The following GLCE variants were observed in gnomAD, a reference collection of about 807,000 sequenced individuals.
GLCE encodes the protein glucuronic acid epimerase.
A neutral mutation model predicts 47.9 loss-of-function variants in GLCE; 19 were observed. The observed-to-expected ratio is 0.40, with a 90% CI of 0.28 to 0.58. GLCE has a LOEUF of 0.58. Among genes scored for constraint, GLCE ranks in the 20% least tolerant of loss-of-function variants. GLCE has a pLI of 0.48. For synonymous variants in GLCE, 245 were observed against 263.4 expected (o/e 0.93, Z 0.68); for missense variants, 556 against 743.3 (o/e 0.75, Z 2.93).
rs541386941 is a variant in GLCE, at chr15:69,220,562, G to T, written c.-14+10156G>T. Among the ~76,000 whole-genome samples, 5 of 152,092 alleles carry T rather than the reference G, an allele frequency of 3.3e-5. No homozygotes were observed. In the South Asian group the frequency reaches 1.0e-3, roughly 32 times the overall value. On this transcript the variant is annotated intron_variant, in intron 2 of 4. Transcript: ENST00000261858. ...TGAGCATCTTTTCATGTGTTTCTTG[G>T]CCAATTATGTGTATATTCTTTGGTG...
chr15:69,266,815 T>C, intron 4 of GLCE: 1 of 441,354 alleles, frequency 2.3e-6, no homozygotes, highest in Non-Finnish European at 3.0e-6. Flanking sequence ...TAGTCCCTGC[T>C]CTACAACTAA....
chr15:69,209,804 G>A (rs2052204958), intron 1 of GLCE, among the ~76,000 whole-genome samples: 1 of 152,100 alleles, frequency 6.6e-6, no homozygotes, highest in Admixed American at 6.6e-5. Flanking sequence ...AGTGGCAGGA[G>A]GACAGAGAGA....
At position 69,268,494 on chromosome 15, in the gene GLCE, AGCT is replaced by A; in HGVS notation, c.1106_1108del (p.Ala369del). 6.2e-7 allele frequency: 1 copy of A among 1,614,188 alleles called. No homozygotes were observed. Among genetic ancestry groups the A allele is most frequent in the Non-Finnish European group, 8.5e-7 (1 of 1,180,040 alleles). Reference sequence around the variant, plus strand: ...AAGGAGTGGGTCTTTCAAACACAAAAGCTGTCAAGCCAACCAAAATAATGCCCA... The same window carrying A: ...AAGGAGTGGGTCTTTCAAACACAAAAGTCAAGCCAACCAAAATAATGCCCA... On this transcript the variant is annotated inframe_deletion, in exon 5 of 5. Coordinates refer to ENST00000261858, the MANE Select transcript of GLCE (RefSeq NM_015554.3).
At chr15:69,215,100 T>C (rs931984239) in intron 2 of GLCE, among the ~76,000 whole-genome samples, 1 of 152,170 alleles carries the variant, frequency 6.6e-6, no homozygotes, top group Admixed American at 6.6e-5. Flanking sequence ...TTGTATACAG[T>C]AAAATTCATT....
rs991987127 is a variant in GLCE, at chr15:69,193,185, C to T, written c.-104-17131C>T. 4.0e-5 allele frequency among the ~76,000 whole-genome samples: 6 copies of T among 151,808 alleles called. No individual in the cohort carries two copies. The East Asian group carries it at 5.8e-4, about 15-fold the overall frequency. On this transcript the variant is annotated intron_variant, in intron 1 of 4. Transcript: ENST00000261858. ...GTTCTTATGAGGTTACCTTTCCCTGCGCCATTGTTTGTAAATTACCTCCAG... is the reference window on the plus strand; with the variant it reads ...GTTCTTATGAGGTTACCTTTCCCTGTGCCATTGTTTGTAAATTACCTCCAG...
chr15:69,189,332 C>T (rs190884699), intron 1 of GLCE, among the ~76,000 whole-genome samples: 5 of 152,078 alleles, frequency 3.3e-5, no homozygotes, highest in Admixed American at 2.0e-4. Flanking sequence ...GTAATATATA[C>T]GTTTAAGGTT....
rs150291628 is a variant in GLCE at position 69,256,459 on chromosome 15, T to C, written c.586+67T>C. ...TGTGTTGAGGAATAAGAAAATGTTGTTAATTATACATCAAGTACATAGCTT... is the reference window on the plus strand; with the variant it reads ...TGTGTTGAGGAATAAGAAAATGTTGCTAATTATACATCAAGTACATAGCTT... On this transcript the variant is annotated intron_variant, in intron 3 of 4. Coordinates refer to ENST00000261858, the MANE Select transcript of GLCE (RefSeq NM_015554.3). 2.7e-4 allele frequency: 279 copies of C among 1,037,626 alleles called. 1 individual carries two copies. The East Asian group carries it at 6.1e-3, about 23-fold the overall frequency. The allele number at this position is 1,037,626 out of a possible 1,614,324, so 64.3% of individuals were successfully genotyped here.
chr15:69,199,389 A>C (rs2052044385), intron 1 of GLCE, among the ~76,000 whole-genome samples: 1 of 152,166 alleles, frequency 6.6e-6, no homozygotes, highest in East Asian at 1.9e-4. Flanking sequence ...AGGATATATA[A>C]AAATCTGTGC....
At position 69,268,228 on chromosome 15, in the gene GLCE, G is replaced by A. The variant is rs1430660402; in HGVS notation, c.838G>A (p.Glu280Lys). Residue 280 changes from glutamate (E) to lysine (K), a missense_variant, in exon 5 of 5, where the codon GAA becomes AAA. Around this residue, in one of 3 missense-constraint regions of GLCE, gnomAD observed 74 missense variants for 64.4 expected, o/e 1.15. Transcript: ENST00000261858. ...VKQFIAPETS[E>K]GVSLQLGNTK... The stretch of plus-strand genomic sequence containing the variant: ...TATATTCTCCCCTACAGAAACCAGT[G>A]AAGGTGTATCCTTGCAACTGGGAAA... 2.7e-5 allele frequency: 43 copies of A among 1,594,288 alleles called. No homozygotes were observed. Among genetic ancestry groups the A allele is most frequent in the Non-Finnish European group, 3.7e-5 (43 of 1,169,718 alleles).
chr15:69,253,588 G>A (rs2052879525), intron 2 of GLCE, among the ~76,000 whole-genome samples: 1 of 152,004 alleles, frequency 6.6e-6, no homozygotes, highest in Non-Finnish European at 1.5e-5. Context: ...TAATAAGAAA[G>A]AACTTTATTT....
rs140111250 is a variant in GLCE, at chr15:69,182,886, G to A, written c.-105+22129G>A. ...AAAAATTAGTCGGGTGTGGTGGTGC[G>A]TGCCTGTAGTCCCAGCTACTCAGGA... On this transcript the variant is annotated intron_variant, in intron 1 of 4. Coordinates refer to ENST00000261858, the MANE Select transcript of GLCE (RefSeq NM_015554.3). Among the ~76,000 whole-genome samples, 274 of 152,026 alleles carry A rather than the reference G, an allele frequency of 1.8e-3. 1 individual carries two copies. Among genetic ancestry groups the A allele is most frequent in the African/African-American group, 5.7e-3 (238 of 41,486 alleles).
At chr15:69,234,258 A>G (rs1210725061) in intron 2 of GLCE, among the ~76,000 whole-genome samples, 5 of 152,104 alleles carry the variant, frequency 3.3e-5, no homozygotes, top group African/African-American at 1.2e-4. Context: ...GATTACAGGC[A>G]TTGAGCCATT....
chr15:69,198,965 C>T (rs1278933587), intron 1 of GLCE, among the ~76,000 whole-genome samples: 1 of 152,100 alleles, frequency 6.6e-6, no homozygotes, highest in Non-Finnish European at 1.5e-5. Context: ...TATTAGAAGT[C>T]CGCCACCCGG....
chr15:69,218,014 C>T (rs1187764703), intron 2 of GLCE, among the ~76,000 whole-genome samples: 8 of 151,588 alleles, frequency 5.3e-5, no homozygotes, highest in East Asian at 2.0e-4. Flanking sequence ...ATTAGCCGGG[C>T]GTGGTGGTGC....
intron 1 of GLCE, among the ~76,000 whole-genome samples, chr15:69,199,996 A>G (rs2052053706): frequency 6.6e-6 from 1 of 152,160 alleles, no homozygotes; most frequent in Non-Finnish European, 1.5e-5. Context: ...GAGTAGTAAG[A>G]CAATTTTTTA....
At chr15:69,262,873 C>G (rs569484203) in intron 4 of GLCE, among the ~76,000 whole-genome samples, 2 of 152,206 alleles carry the variant, frequency 1.3e-5, no homozygotes, top group African/African-American at 4.8e-5. Context: ...GGTTGAGTAT[C>G]CCTTATCTGA....
chr15:69,253,057 C>G (rs1442337251), intron 2 of GLCE, among the ~76,000 whole-genome samples: 1 of 152,158 alleles, frequency 6.6e-6, no homozygotes, highest in Non-Finnish European at 1.5e-5. Context: ...AATAGGAGGA[C>G]TACCCAAGGA....
In GLCE at chr15:69,160,637, A is replaced by C. The variant is rs1190472131; in HGVS notation, c.-225A>C. ...CGCGGAGCGGGAGGGCTCTCCTCAC[A>C]CAAGCGCTTCCTTGCCGAGAGGCTG... On this transcript the variant is annotated 5_prime_UTR_variant, in exon 1 of 5. Transcript: ENST00000261858. This position sits in a 1 kb window ranked among gnomAD's most constrained non-coding sequence, Gnocchi z 4.2. 1 of 152,756 alleles carries C rather than the reference A, an allele frequency of 6.5e-6. No homozygotes were observed. Among genetic ancestry groups the C allele is most frequent in the Non-Finnish European group, 1.5e-5 (1 of 68,170 alleles). 9.5% of individuals were successfully genotyped at this position (152,756 alleles called of 1,614,324 possible).
chr15:69,256,138 T>C lies in GLCE; in HGVS notation c.332T>C (p.Ile111Thr). Residue 111 changes from isoleucine to threonine, a missense_variant, in exon 3 of 5, where the codon ATA (isoleucine) becomes ACA (threonine). Ile to Thr is a moderately conservative substitution (Grantham distance 89). This residue lies in a region of GLCE where 237 missense variants were observed against 310.9 expected (regional missense o/e 0.76). Coordinates refer to ENST00000261858, the MANE Select transcript of GLCE (RefSeq NM_015554.3). ...GLKYEEIDCL[I>T]NDEHTIKGRR... Reference sequence around the variant, plus strand: ...AAATATGAAGAAATTGACTGTCTCATAAATGATGAACACACAATTAAAGGG... The same window carrying C: ...AAATATGAAGAAATTGACTGTCTCACAAATGATGAACACACAATTAAAGGG... 6.2e-7 allele frequency: 1 copy of C among 1,614,028 alleles called. No individual in the cohort carries two copies. The highest frequency in any genetic ancestry group is 8.5e-7 in the Non-Finnish European group (1 of 1,179,902).
Sources: allele counts gnomAD v4.1 joint callset (sites outside exome capture counted in the v4.1 genomes callset), GRCh38; gene constraint gnomAD v4.1.1; regional missense constraint gnomAD v4.1.1; non-coding constraint Gnocchi (gnomAD v3.1); transcripts MANE v1.5; gene names NCBI Gene and HGNC (gene_info 2026-07-23, HGNC 2026-07-21).